The following ZNF25 variants were observed in gnomAD, a reference collection of about 807,000 sequenced individuals.
ZNF25 encodes zinc finger protein 25 (KOX 19).
A neutral mutation model predicts 30.9 loss-of-function variants in ZNF25; 21 were observed. The observed-to-expected ratio is 0.68, with a 90% confidence interval of 0.48 to 0.98. ZNF25 has a LOEUF of 0.98. Among genes scored for constraint, ZNF25 ranks in the 50% least tolerant of loss-of-function variants. The pLI is 0.00. For missense variants in ZNF25, 501 were observed against 529.9 expected, an observed-to-expected ratio of 0.95 and a Z score of 0.54; for synonymous variants, 169 against 181.3, an observed-to-expected ratio of 0.93 and a Z score of 0.55.
At position 37,957,456 on chromosome 10, in the gene ZNF25, C is replaced by T; in HGVS notation, c.106G>A (p.Val36Met). ...TPAQRTLYKDVMLENYSHLVS... is the reference protein window; with the variant it reads ...TPAQRTLYKDMMLENYSHLVS... ...AGGTGACTATAGTTTTCCAGCATCA[C>T]ATCCTTATACAGAGTCCTCTGAGCA... Residue 36 changes from valine to methionine, a missense_variant, in exon 3 of 6, where the codon GTG becomes ATG. Transcript: ENST00000302609. 1 of 1,613,768 alleles carries T rather than the reference C, an allele frequency of 6.2e-7. No homozygotes were observed. Among genetic ancestry groups the T allele is most frequent in the Non-Finnish European group, 8.5e-7 (1 of 1,179,858 alleles).
intron 2 of ZNF25, among the ~76,000 whole-genome samples, chr10:37,963,337 G>C (rs546303999): frequency 6.6e-6 from 1 of 152,128 alleles, no homozygotes; most frequent in Non-Finnish European, 1.5e-5. Context: ...GGCCAGGCTA[G>C]TCTAGAACTC....
intron 2 of ZNF25, among the ~76,000 whole-genome samples, chr10:37,964,408 G>A (rs2063069888): frequency 6.6e-6 from 1 of 152,190 alleles, no homozygotes; most frequent in East Asian, 1.9e-4. Flanking sequence ...AAATGGTCGT[G>A]ACCAAAATGC....
intron 2 of ZNF25, among the ~76,000 whole-genome samples, chr10:37,964,154 C>A (rs1185888445): frequency 1.3e-5 from 2 of 152,138 alleles, no homozygotes; most frequent in Non-Finnish European, 2.9e-5. Context: ...GTACAGCCTG[C>A]ATAACCATGA....
At chr10:37,968,970 T>C (rs556972961) in intron 2 of ZNF25, among the ~76,000 whole-genome samples, 1 of 151,924 alleles carries the variant, frequency 6.6e-6, no homozygotes, top group African/African-American at 2.4e-5. Context: ...TGACAGTATA[T>C]ACAAATGGCC....
chr10:37,952,759 C>G lies in ZNF25; in HGVS notation c.739G>C (p.Val247Leu). ...TCCCCTGTGTGTGTTTTCTGATGTA[C>G]CATGAGGTATGCCTTCACATAGAAG... ...KFFYVKAYLM[V>L]HQKTHTGEKP... is the part of the protein sequence containing the mutation. Residue 247 changes from valine (V) to leucine (L), a missense_variant, in exon 6 of 6, where the codon GTA (valine) becomes CTA (leucine). Transcript: ENST00000302609. 1 of 1,612,580 alleles carries G rather than the reference C, an allele frequency of 6.2e-7. No individual in the cohort carries two copies. Among genetic ancestry groups the G allele is most frequent in the Non-Finnish European group, 8.5e-7 (1 of 1,179,670 alleles).
chr10:37,964,980 G>C (rs2063101654), intron 2 of ZNF25, among the ~76,000 whole-genome samples: 1 of 152,216 alleles, frequency 6.6e-6, no homozygotes, highest in Non-Finnish European at 1.5e-5. Flanking sequence ...TTGTGACACT[G>C]TTCCCCACAT....
In ZNF25 at chr10:37,950,753, A is replaced by T. The variant is rs1311325227; in HGVS notation, c.*1374T>A. The T allele has an allele frequency of 6.6e-6, 1 of 152,146 alleles. No homozygotes were observed. Among genetic ancestry groups the T allele is most frequent in the East Asian group, 1.9e-4 (1 of 5,196 alleles). 9.4% of individuals were successfully genotyped at this position (152,146 alleles called of 1,614,324 possible). On this transcript the variant is annotated 3_prime_UTR_variant, in exon 6 of 6. Coordinates refer to ENST00000302609, the MANE Select transcript of ZNF25 (RefSeq NM_145011.4). ...ATGGGATGGGAACTGAGGCACAGAGATATTAAGTAGCATGCCCCATGCTGG... is the reference window on the plus strand; with the variant it reads ...ATGGGATGGGAACTGAGGCACAGAGTTATTAAGTAGCATGCCCCATGCTGG...
chr10:37,960,192 T>C (rs916997988), intron 2 of ZNF25, among the ~76,000 whole-genome samples: 4 of 152,180 alleles, frequency 2.6e-5, no homozygotes, highest in Admixed American at 1.3e-4. Context: ...ATTTTGTTCA[T>C]TCTGGGCTTA....
intron 2 of ZNF25, among the ~76,000 whole-genome samples, chr10:37,970,077 A>G (rs2063401344): frequency 6.6e-6 from 1 of 152,142 alleles, no homozygotes; most frequent in African/African-American, 2.4e-5. Context: ...TGTAGCTTGA[A>G]ATTTGCCATG....
intron 5 of ZNF25, 41 bp downstream of exon 5, chr10:37,953,654 C>A (rs532178000): frequency 1.9e-6 from 3 of 1,592,890 alleles, no homozygotes; most frequent in African/African-American, 2.7e-5. Context: ...AAGACTCTTG[C>A]TTACAAATCT....
chr10:37,966,496 C>A (rs890995903), intron 2 of ZNF25, among the ~76,000 whole-genome samples: 1 of 151,836 alleles, frequency 6.6e-6, no homozygotes, highest in Non-Finnish European at 1.5e-5. Context: ...CCACAGGCTG[C>A]GCAGGAAGCA....
chr10:37,964,422 T>C (rs1346398590), intron 2 of ZNF25, among the ~76,000 whole-genome samples: 2 of 152,154 alleles, frequency 1.3e-5, no homozygotes, highest in East Asian at 1.9e-4. Context: ...AAAATGCTGA[T>C]AGTGACATGG....
At chr10:37,964,334 A>C (rs1269622919) in intron 2 of ZNF25, among the ~76,000 whole-genome samples, 1 of 152,178 alleles carries the variant, frequency 6.6e-6, no homozygotes. Flanking sequence ...GGTTGGAAGA[A>C]TTTGGAGGGC....
Position 37,957,447 on chromosome 10 carries a change from C to G in ZNF25, c.115G>C (p.Glu39Gln), listed in dbSNP as rs2062603427. The G allele has an allele frequency of 3.7e-6, 6 of 1,613,454 alleles. No homozygotes were observed. The highest frequency in any genetic ancestry group is 5.1e-6 in the Non-Finnish European group (6 of 1,179,730). The change falls in exon 3 of 6, where the codon GAA becomes CAA. Residue 39 changes from glutamate to glutamine, a missense_variant. Physicochemically the swap from Glu to Gln is conservative, Grantham distance 29. Transcript: ENST00000302609. ...ACTGAGACAAGGTGACTATAGTTTT[C>G]CAGCATCACATCCTTATACAGAGTC... ...QRTLYKDVMLENYSHLVSVGY... is the reference protein window; with the variant it reads ...QRTLYKDVMLQNYSHLVSVGY...
At chr10:37,974,086 G>C (rs956765228) in intron 1 of ZNF25, among the ~76,000 whole-genome samples, 6 of 152,166 alleles carry the variant, frequency 3.9e-5, no homozygotes, top group South Asian at 2.1e-4. Context: ...GCAGAAGAAT[G>C]AAACTAAACC....
intron 4 of ZNF25, among the ~76,000 whole-genome samples, chr10:37,955,211 A>G (rs2062444651): frequency 2.0e-5 from 3 of 152,204 alleles, no homozygotes; most frequent in Admixed American, 1.3e-4. Context: ...AATGGAGATT[A>G]ACAGGTGTTT....
At chr10:37,960,330 G>A (rs749692979) in intron 2 of ZNF25, among the ~76,000 whole-genome samples, 1 of 151,864 alleles carries the variant, frequency 6.6e-6, no homozygotes, top group Non-Finnish European at 1.5e-5. Context: ...AGGAAGCTGT[G>A]GGGGCCGGGT....
chr10:37,952,677 G>T lies in ZNF25; in HGVS notation c.821C>A (p.Thr274Lys), dbSNP rs1421627427. 1 of 1,612,926 alleles carries T rather than the reference G, an allele frequency of 6.2e-7. No homozygotes were observed. Among genetic ancestry groups the T allele is most frequent in the African/African-American group, 1.3e-5 (1 of 74,614 alleles). ...CCCTGTGTGCATTCTCTGATGTACT[G>T]TGAGGTGTGACTTCTGGGAAAAGGC... ...GKAFSQKSHL[T>K]VHQRMHTGEK... Residue 274 changes from threonine to lysine, a missense_variant, in exon 6 of 6, where the codon ACA becomes AAA. Thr to Lys is a moderately conservative substitution (Grantham distance 78). Transcript: ENST00000302609.
chr10:37,964,332 G>A (rs1025746934), intron 2 of ZNF25, among the ~76,000 whole-genome samples: 1 of 152,174 alleles, frequency 6.6e-6, no homozygotes, highest in Non-Finnish European at 1.5e-5. Context: ...GAGGTTGGAA[G>A]AATTTGGAGG....
Sources: allele counts gnomAD v4.1 joint callset (sites outside exome capture counted in the v4.1 genomes callset), GRCh38; gene constraint gnomAD v4.1.1; transcripts MANE v1.5; gene names NCBI Gene and HGNC (gene_info 2026-07-23, HGNC 2026-07-21).